The following INO80C variants were observed in gnomAD, a reference collection of about 807,000 sequenced individuals.
INO80C encodes the protein IES6 homolog.
Under a neutral mutation model 17.7 loss-of-function variants are expected in INO80C, and 17 were observed. The ratio of observed to expected loss-of-function variants is 0.96; its 90% CI spans 0.66 to 1.44. The LOEUF (loss-of-function observed/expected upper bound fraction) is 1.44, where lower values mean the gene tolerates loss of function less well. Ranked by LOEUF, INO80C falls within the 40% of genes most tolerant of loss-of-function variation. The pLI is 0.00. For synonymous variants in INO80C, 96 were observed against 95.8 expected (o/e 1.00, Z -0.01); for missense variants, 244 against 245.0 (o/e 1.00, Z 0.03).
In INO80C at chr18:35,486,813, T is replaced by C. The variant is rs11561592; in HGVS notation, c.157-6250A>G. The stretch of plus-strand genomic sequence containing the variant: ...AAAAAAAAAAAAAAAAAAAAAAAAT[T>C]TTAATAGGAAAAAAAGAATGAATGG... On this transcript the variant is annotated intron_variant, in intron 1 of 4. Transcript: ENST00000334598. 0.037 allele frequency among the ~76,000 whole-genome samples: 5,366 copies of C among 145,898 alleles called. 526 individuals are homozygous for C. In the East Asian group the frequency reaches 0.39, roughly 11 times the overall value.
chr18:35,482,605 C>A (rs1220904469), intron 1 of INO80C, among the ~76,000 whole-genome samples: 1 of 152,176 alleles, frequency 6.6e-6, no homozygotes, highest in African/African-American at 2.4e-5. Flanking sequence ...CCCTTCACCT[C>A]ATCCTCTCCA....
At chr18:35,474,478 G>A (rs572610468) in intron 4 of INO80C, among the ~76,000 whole-genome samples, 36 of 151,472 alleles carry the variant, frequency 2.4e-4, no homozygotes, top group Non-Finnish European at 4.3e-4. Flanking sequence ...ACTTGAGGCC[G>A]GGAGTTCAGG....
At chr18:35,471,089 C>CG (rs1567977263) in intron 4 of INO80C, among the ~76,000 whole-genome samples, 1 of 152,240 alleles carries the variant, frequency 6.6e-6, no homozygotes, top group African/African-American at 2.4e-5. Context: ...GAAAGAGTCA[C>CG]ATGGCTGGCT....
intron 1 of INO80C, among the ~76,000 whole-genome samples, chr18:35,488,625 G>A (rs1598748138): frequency 6.6e-6 from 1 of 152,148 alleles, no homozygotes; most frequent in South Asian, 2.1e-4. Context: ...GATGGGAGGG[G>A]CTGCCACAAA....
In INO80C at chr18:35,497,922, G is replaced by T; in HGVS notation, c.-48C>A. On this transcript the variant is annotated 5_prime_UTR_variant, in exon 1 of 5. Transcript: ENST00000334598. The stretch of plus-strand genomic sequence containing the variant: ...TCCCCCCACCTTTTTCCCAGCGCGG[G>T]CCTTGGAACTTCCTTTCCGCTGTTA... 6.8e-7 allele frequency: 1 copy of T among 1,478,404 alleles called. No individual in the cohort carries two copies. Among genetic ancestry groups the T allele is most frequent in the Non-Finnish European group, 9.0e-7 (1 of 1,113,054 alleles). The allele number at this position is 1,478,404 out of a possible 1,614,324, so 91.6% of individuals were successfully genotyped here.
intron 4 of INO80C, among the ~76,000 whole-genome samples, chr18:35,471,023 G>A (rs997389731): frequency 2.0e-5 from 3 of 152,148 alleles, no homozygotes; most frequent in Admixed American, 6.5e-5. Context: ...GCTCTGTAAC[G>A]AGTGCTGAAC....
At position 35,468,639 on chromosome 18, in the gene INO80C, A is replaced by G; in HGVS notation, c.551T>C (p.Leu184Pro). 1 of 1,614,066 alleles carries G rather than the reference A, an allele frequency of 6.2e-7. No individual in the cohort carries two copies. The highest frequency in any genetic ancestry group is 8.5e-7 in the Non-Finnish European group (1 of 1,179,992). Residue 184 changes from leucine to proline, a missense_variant, in exon 5 of 5, where the codon CTG (leucine) becomes CCG (proline). By Grantham distance (98) the Leu-to-Pro change is moderately conservative (BLOSUM62 -3). Coordinates refer to ENST00000334598, the MANE Select transcript of INO80C (RefSeq NM_194281.4). ...PSDVVTGYLA[L>P]RKATSIVP ...GGGAACGATGCTCGTGGCCTTCCTCAGGGCCAGGTAGCCGGTGACGACGTC... is the reference window on the plus strand; with the variant it reads ...GGGAACGATGCTCGTGGCCTTCCTCGGGGCCAGGTAGCCGGTGACGACGTC...
chr18:35,493,412 G>A (rs1313291880), intron 1 of INO80C, among the ~76,000 whole-genome samples: 5 of 152,152 alleles, frequency 3.3e-5, no homozygotes, highest in South Asian at 2.1e-4. Flanking sequence ...ACAGAATTGT[G>A]ATTCTAAGAT....
At chr18:35,478,602 C>T (rs2045766452) in intron 3 of INO80C, among the ~76,000 whole-genome samples, 1 of 152,160 alleles carries the variant, frequency 6.6e-6, no homozygotes, top group African/African-American at 2.4e-5. Flanking sequence ...TCCCACAGAA[C>T]CACCGGAAAG....
At position 35,497,843 on chromosome 18, in the gene INO80C, G is replaced by C. The variant is rs142615973; in HGVS notation, c.32C>G (p.Thr11Ser). The C allele has an allele frequency of 5.7e-3, 9,106 of 1,595,924 alleles. 46 individuals are homozygous for C. Among genetic ancestry groups the C allele is most frequent in the South Asian group, 0.011 (985 of 90,230 alleles). MAAQIPIVAT[T>S]STPGIVRNSK... ...GTTCCGGACTATTCCGGGAGTGGAA[G>C]TGGTGGCCACAATTGGAATTTGCGC... Residue 11 changes from threonine to serine, a missense_variant, in exon 1 of 5, where the codon ACT becomes AGT. Thr to Ser is a moderately conservative substitution (Grantham distance 58). Transcript: ENST00000334598.
At chr18:35,497,508 C>T (rs1239824092) in intron 1 of INO80C, 18 of 1,369,038 alleles carry the variant, frequency 1.3e-5, no homozygotes, top group Non-Finnish European at 1.6e-5. Flanking sequence ...CTCCCTACTT[C>T]TTCTTCTCTC....
intron 1 of INO80C, among the ~76,000 whole-genome samples, chr18:35,492,866 C>A (rs933675133): frequency 1.3e-5 from 2 of 152,204 alleles, no homozygotes; most frequent in African/African-American, 4.8e-5. Flanking sequence ...ATTTTATCAA[C>A]TTTAATACAC....
chr18:35,484,873 T>A (rs1041745493), intron 1 of INO80C, among the ~76,000 whole-genome samples: 2 of 152,196 alleles, frequency 1.3e-5, no homozygotes, highest in African/African-American at 4.8e-5. Flanking sequence ...GAACATCTTG[T>A]GGTGTCAGAA....
At chr18:35,497,671 G>A (rs375910603) in intron 1 of INO80C, 48 bp downstream of exon 1, 19 of 1,584,146 alleles carry the variant, frequency 1.2e-5, no homozygotes, top group East Asian at 2.3e-5. Flanking sequence ...GCCCCGCCAA[G>A]TCCCGTTTCG....
chr18:35,491,633 C>A (rs2045934032), intron 1 of INO80C, among the ~76,000 whole-genome samples: 1 of 152,128 alleles, frequency 6.6e-6, no homozygotes. Flanking sequence ...CATTACTACA[C>A]CCTTAGCCTA....
intron 1 of INO80C, chr18:35,483,535 G>T (rs1024732851): frequency 1.3e-5 from 2 of 152,260 alleles, no homozygotes; most frequent in African/African-American, 4.8e-5. Context: ...AAAACATGCT[G>T]CTTTACTTCA....
Position 35,474,207 on chromosome 18 carries a change from C to CTATATATATATATATATA in INO80C, c.447+4057_447+4074dup, listed in dbSNP as rs58465669. Among the ~76,000 whole-genome samples the CTATATATATATATATATA allele has an allele frequency of 6.7e-4, 39 of 58,042 alleles. 2 individuals carry two copies. The highest frequency in any genetic ancestry group is 1.5e-3 in the South Asian group (2 of 1,302). The allele number at this position is 58,042 out of a possible 152,430, so 38.1% of individuals were successfully genotyped here. A position where few individuals can be genotyped will look rare whatever the true frequency, so the allele number is the denominator to read the frequency against. On this transcript the variant is annotated intron_variant, in intron 4 of 4. Coordinates refer to ENST00000334598, the MANE Select transcript of INO80C (RefSeq NM_194281.4). ...TATATGTGTATATGTGTGTGTGTGT[C>CTATATATATATATATATA]TATATATATATATATATATATATAT...
intron 4 of INO80C, 117 bp downstream of exon 4, chr18:35,478,165 T>C: frequency 1.3e-6 from 1 of 757,726 alleles, no homozygotes; most frequent in South Asian, 1.9e-5. Context: ...CTATCACCTA[T>C]CACTGTAGAC....
At chr18:35,497,125 G>C (rs1378025682) in intron 1 of INO80C, among the ~76,000 whole-genome samples, 2 of 152,126 alleles carry the variant, frequency 1.3e-5, no homozygotes, top group African/African-American at 2.4e-5. Flanking sequence ...CTGGAATTAC[G>C]GAACCTAGAT....
Sources: gnomAD v4.1 joint callset for allele counts (sites outside exome capture counted in the v4.1 genomes callset) on GRCh38, gnomAD v4.1.1 for gene constraint, MANE v1.5 for transcripts, NCBI Gene and HGNC (gene_info 2026-07-23, HGNC 2026-07-21) for gene names.